Variants in SERPINI1 observed in about 807,000 individuals in gnomAD.
SERPINI1 encodes serpin family I member 1.
In SERPINI1, 19 loss-of-function variants were observed where a neutral mutation model predicts 41.1. The observed-to-expected ratio is 0.46, with a 90% confidence interval of 0.32 to 0.68. The LOEUF is 0.68. Ranked by LOEUF, SERPINI1 falls within the 30% of genes least tolerant of loss-of-function variation. The pLI is 0.03. For missense variants in SERPINI1, 460 were observed against 479.2 expected, an observed-to-expected ratio of 0.96 and a Z score of 0.37; for synonymous variants, 138 against 156.6, an observed-to-expected ratio of 0.88 and a Z score of 0.89.
Position 167,799,054 on chromosome 3 carries a change from T to G in SERPINI1, c.881+4230T>G, listed in dbSNP as rs554476558. 5.3e-5 allele frequency among the ~76,000 whole-genome samples: 8 copies of G among 152,274 alleles called. No homozygotes were observed. In the South Asian group the frequency reaches 1.7e-3, roughly 32 times the overall value. On this transcript the variant is annotated intron_variant, in intron 5 of 8. Transcript: ENST00000446050. ...CTTTATATATATTTTTTGAGCTTTCTCTTTATACTTCAAGTTCTGGGATAC... is the reference window on the plus strand; with the variant it reads ...CTTTATATATATTTTTTGAGCTTTCGCTTTATACTTCAAGTTCTGGGATAC...
intron 1 of SERPINI1, among the ~76,000 whole-genome samples, chr3:167,748,601 A>G (rs1401346438): frequency 1.3e-5 from 2 of 152,222 alleles, no homozygotes; most frequent in African/African-American, 2.4e-5. Context: ...TTTGGAAGAA[A>G]TGGAGATGAC....
chr3:167,771,182 G>A (rs1226970167), intron 1 of SERPINI1, among the ~76,000 whole-genome samples: 3 of 152,122 alleles, frequency 2.0e-5, no homozygotes, highest in Non-Finnish European at 4.4e-5. Context: ...AATTTATCCT[G>A]TGGAGATAAT....
chr3:167,757,145 A>G (rs1726218248), intron 1 of SERPINI1, among the ~76,000 whole-genome samples: 1 of 152,220 alleles, frequency 6.6e-6, no homozygotes. Context: ...TAGTGCTGGA[A>G]GGAATCTGAA....
chr3:167,736,821 T>G (rs995167768), intron 1 of SERPINI1, among the ~76,000 whole-genome samples: 2 of 152,236 alleles, frequency 1.3e-5, no homozygotes, highest in Non-Finnish European at 2.9e-5. Context: ...TGTGTAATTA[T>G]GACAAAATTA....
chr3:167,744,005 C>T (rs887366120), intron 1 of SERPINI1, among the ~76,000 whole-genome samples: 32 of 151,958 alleles, frequency 2.1e-4, no homozygotes, highest in Non-Finnish European at 4.3e-4. Context: ...GCTGCCTTCT[C>T]GGTACAACAG....
In SERPINI1 at chr3:167,790,454, C is replaced by T. The variant is rs1375587411; in HGVS notation, c.333C>T (p.Ser111=). ...ESQYVMKIAN[S]LFVQNGFHVN... ...AATATGTGATGAAAATTGCCAATTC[C>T]TTGTTTGTGCAAAATGGATTTCATG... The change falls in exon 3 of 9, where the codon TCC becomes TCT. Residue 111 remains serine (S), a synonymous_variant. Transcript: ENST00000446050. The T allele has an allele frequency of 6.2e-7, 1 of 1,613,968 alleles. No individual in the cohort carries two copies. Among genetic ancestry groups the T allele is most frequent in the Non-Finnish European group, 8.5e-7 (1 of 1,179,908 alleles).
At chr3:167,793,678 A>G (rs1425276857) in intron 4 of SERPINI1, among the ~76,000 whole-genome samples, 2 of 151,084 alleles carry the variant, frequency 1.3e-5, no homozygotes, top group Non-Finnish European at 2.9e-5. Context: ...ACTTGAGCCC[A>G]AGAGTTTGAG....
rs997668232 is a variant in SERPINI1 at position 167,822,988 on chromosome 3, A to G, written c.982A>G (p.Asn328Asp). 4 of 1,586,996 alleles carry G rather than the reference A, an allele frequency of 2.5e-6. No homozygotes were observed. The highest frequency in any genetic ancestry group is 2.7e-5 in the African/African-American group (2 of 74,468). The change falls in exon 7 of 9, where the codon AAT (asparagine) becomes GAT (aspartate). Residue 328 changes from asparagine (N) to aspartate (D), a missense_variant and splice_region_variant. Coordinates refer to ENST00000446050, the MANE Select transcript of SERPINI1 (RefSeq NM_001122752.2). ...KDANLTGLSD[N>D]KEIFLSKAIH... Reference sequence around the variant, plus strand: ...AATTTCTGATTCTCTTTTTGCAGATAATAAGGAGATTTTTCTTTCCAAAGC... The same window carrying G: ...AATTTCTGATTCTCTTTTTGCAGATGATAAGGAGATTTTTCTTTCCAAAGC...
chr3:167,789,157 T>G lies in SERPINI1; in HGVS notation c.29T>G (p.Leu10Arg), dbSNP rs1727410859. 6.2e-7 allele frequency: 1 copy of G among 1,614,020 alleles called. No homozygotes were observed. Among genetic ancestry groups the G allele is most frequent in the Non-Finnish European group, 8.5e-7 (1 of 1,179,994 alleles). The change falls in exon 2 of 9, where the codon CTG (leucine) becomes CGG (arginine). Residue 10 changes from leucine to arginine, a missense_variant. Physicochemically the swap from Leu to Arg is moderately radical, Grantham distance 102 (BLOSUM62 -2). Transcript: ENST00000446050. MAFLGLFSL[L>R]VLQSMATGAT... Reference sequence around the variant, plus strand: ...GCTTTCCTTGGACTCTTCTCTTTGCTGGTTCTGCAAAGTATGGCTACAGGG... The same window carrying G: ...GCTTTCCTTGGACTCTTCTCTTTGCGGGTTCTGCAAAGTATGGCTACAGGG...
chr3:167,750,089 G>T lies in SERPINI1; in HGVS notation c.-19+14266G>T, dbSNP rs560918385. Among the ~76,000 whole-genome samples, 28 of 152,252 alleles carry T rather than the reference G, an allele frequency of 1.8e-4. No individual in the cohort carries two copies. In the South Asian group the frequency reaches 5.8e-3, roughly 32 times the overall value. ...TATTTTGTTAAAGTTTCATGCAAAT[G>T]GGTAAAATAAAAATAAATTTCGGTG... On this transcript the variant is annotated intron_variant, in intron 1 of 8. Transcript: ENST00000446050.
At chr3:167,761,220 G>A (rs1247877252) in intron 1 of SERPINI1, among the ~76,000 whole-genome samples, 3 of 152,156 alleles carry the variant, frequency 2.0e-5, no homozygotes, top group Non-Finnish European at 4.4e-5. Flanking sequence ...GAGGCTTGAA[G>A]AACCCAAATA....
At chr3:167,757,149 A>G (rs1726218487) in intron 1 of SERPINI1, among the ~76,000 whole-genome samples, 1 of 152,192 alleles carries the variant, frequency 6.6e-6, no homozygotes, top group Admixed American at 6.5e-5. Flanking sequence ...GCTGGAAGGA[A>G]TCTGAAAGAT....
At chr3:167,758,787 T>C (rs924780532) in intron 1 of SERPINI1, among the ~76,000 whole-genome samples, 2 of 152,224 alleles carry the variant, frequency 1.3e-5, no homozygotes, top group Non-Finnish European at 2.9e-5. Context: ...TTTCCTGGTT[T>C]TGATGATTAT....
intron 5 of SERPINI1, among the ~76,000 whole-genome samples, chr3:167,799,789 A>G (rs1244364963): frequency 6.6e-6 from 1 of 152,166 alleles, no homozygotes; most frequent in Non-Finnish European, 1.5e-5. Context: ...CATTTCTCTA[A>G]TGACCAGTGC....
In SERPINI1 at chr3:167,810,533, A is replaced by G. The variant is rs530196366; in HGVS notation, c.979+3192A>G. Among the ~76,000 whole-genome samples the G allele has an allele frequency of 1.4e-3, 209 of 152,340 alleles. 2 individuals are homozygous for G. In the South Asian group the frequency reaches 0.024, roughly 17 times the overall value. On this transcript the variant is annotated intron_variant, in intron 6 of 8. Transcript: ENST00000446050. ...CATTATGTCTGAAAAAGTAAAGCAT[A>G]TACCTTAATGTAGAAATACTTTATT...
At chr3:167,808,939 C>A (rs1297508945) in intron 6 of SERPINI1, among the ~76,000 whole-genome samples, 2 of 152,166 alleles carry the variant, frequency 1.3e-5, no homozygotes, top group Non-Finnish European at 2.9e-5. Flanking sequence ...AAACAGCACT[C>A]AGCTTCTAGC....
chr3:167,809,240 T>C (rs1456879932), intron 6 of SERPINI1, among the ~76,000 whole-genome samples: 4 of 152,214 alleles, frequency 2.6e-5, no homozygotes, highest in Non-Finnish European at 5.9e-5. Context: ...TAGCATAATT[T>C]AACATTGTCA....
At chr3:167,763,866 A>G (rs546460010) in intron 1 of SERPINI1, among the ~76,000 whole-genome samples, 17 of 152,258 alleles carry the variant, frequency 1.1e-4, no homozygotes, top group African/African-American at 4.1e-4. Flanking sequence ...CTCTCTTTTT[A>G]ATAATAGGTT....
intron 5 of SERPINI1, among the ~76,000 whole-genome samples, chr3:167,801,162 A>T (rs2108563600): frequency 6.6e-6 from 1 of 152,310 alleles, no homozygotes; most frequent in East Asian, 1.9e-4. Flanking sequence ...AGATTTTTCT[A>T]CAAAGGGTAT....
Sources: allele counts gnomAD v4.1 joint callset (sites outside exome capture counted in the v4.1 genomes callset), GRCh38; gene constraint gnomAD v4.1.1; transcripts MANE v1.5; gene names NCBI Gene and HGNC (gene_info 2026-07-23, HGNC 2026-07-21).